Variants in ZNF688 observed in about 807,000 individuals in gnomAD.
The protein encoded by ZNF688 is zinc finger protein 688.
ZNF688 carries 10 observed loss-of-function variants against 13.2 expected under a neutral mutation model. The ratio of observed to expected loss-of-function variants is 0.76; its 90% CI spans 0.47 to 1.28. The LOEUF is 1.28. Among genes scored for constraint, ZNF688 ranks in the 50% most tolerant of loss-of-function variants. ZNF688 has a pLI of 0.00. For missense variants in ZNF688, 381 were observed against 391.4 expected (o/e 0.97, Z 0.22); for synonymous variants, 160 against 159.4 (o/e 1.00, Z -0.03).
rs1160181142 is a variant in ZNF688, at chr16:30,570,631, GAAT to G, written c.311-198_311-196del. ...CCTTGGTTCCTTATGCATCAAATGG[GAAT>G]AATAATGGCTTTTGACTTCACAGCG... On this transcript the variant is annotated intron_variant, in intron 2 of 2. Transcript: ENST00000223459. The G allele has an allele frequency of 1.5e-5, 9 of 616,722 alleles. No individual in the cohort carries two copies. The Admixed American group carries it at 3.1e-4, about 21-fold the overall frequency. The allele number at this position is 616,722 out of a possible 1,614,324, so 38.2% of individuals were successfully genotyped here. A position where few individuals can be genotyped will look rare whatever the true frequency, so the allele number is the denominator to read the frequency against.
the ZNF688 span, chr16:30,578,361 T>G: frequency 6.6e-6 from 1 of 152,222 alleles, no homozygotes; most frequent in Non-Finnish European, 1.5e-5. Flanking sequence ...CAAAATGCTC[T>G]TGCTTTCAAA....
the ZNF688 span, chr16:30,579,219 T>A: frequency 1.1e-3 from 169 of 153,046 alleles, 1 homozygote; most frequent in East Asian, 7.3e-3. Flanking sequence ...GAGGGATGGA[T>A]AGGCAGATTG....
rs771908916 is a variant in ZNF688, at chr16:30,570,337, T to A, written c.410A>T (p.Glu137Val). ...PVKESPEVLV[E>V]RNPDPAISVA... ...GCTAATAGCTGGGTCAGGGTTGCGT[T>A]CCACCAGCACTTCAGGACTCTCCTT... The change falls in exon 3 of 3, where the codon GAA becomes GTA. Residue 137 changes from glutamate to valine, a missense_variant. Glu to Val is a moderately radical substitution (Grantham distance 121, BLOSUM62 -2). Transcript: ENST00000223459. 1 of 1,614,114 alleles carries A rather than the reference T, an allele frequency of 6.2e-7. No homozygotes were observed.
At chr16:30,578,120 C>T in the ZNF688 span, among the ~76,000 whole-genome samples, 22 of 152,276 alleles carry the variant, frequency 1.4e-4, 1 homozygote, top group Admixed American at 8.5e-4. Flanking sequence ...AGACAGATCA[C>T]TTGAGCCCAT....
chr16:30,576,355 G>A (rs1208704059), upstream of ZNF688, among the ~76,000 whole-genome samples: 2 of 152,234 alleles, frequency 1.3e-5, no homozygotes, highest in South Asian at 2.1e-4. Flanking sequence ...GGCACTACAG[G>A]TGCCCGCCAC....
rs749685573 is a variant in ZNF688 at position 30,571,432 on chromosome 16, A to G, written c.196+2T>C. On this transcript the variant is annotated splice_donor_variant, in intron 1 of 2. Transcript: ENST00000223459. LOFTEE classifies it high-confidence loss of function. ...GAGGGGGCTCGGACCCGGGGCTCTC[A>G]CCGAGCGCGCCCAGGTGGCCGTAGG... The G allele has an allele frequency of 1.9e-6, 3 of 1,564,638 alleles. No homozygotes were observed. The Admixed American group carries it at 5.7e-5, about 30-fold the overall frequency.
the ZNF688 span, among the ~76,000 whole-genome samples, chr16:30,577,752 G>A: frequency 1.3e-5 from 2 of 150,712 alleles, no homozygotes; most frequent in African/African-American, 4.9e-5. Context: ...GTACAATCTC[G>A]GCTCACTGCA....
intron 2 of ZNF688, chr16:30,570,677 T>C (rs943976165): frequency 4.3e-6 from 2 of 464,614 alleles, no homozygotes; most frequent in African/African-American, 2.0e-5. Flanking sequence ...TTTAGCTGAG[T>C]AGATGCATGT....
At chr16:30,575,873 C>CT (rs1180504739), upstream of ZNF688, among the ~76,000 whole-genome samples, 31 of 151,428 alleles carry the variant, frequency 2.0e-4, no homozygotes, top group Non-Finnish European at 8.8e-5. Context: ...TCAGGCTGAT[C>CT]TTGAACTCCC....
In ZNF688 at chr16:30,570,173, AGCGGC is replaced by A; in HGVS notation, c.569_573del (p.Arg190LeufsTer67). ...CTGACCAGCAGTGAGGGGTAGGTGA[AGCGGC>A]GGCCGCAGTCCGTGCACACGTGGCG... On this transcript the variant is annotated frameshift_variant, in exon 3 of 3. Coordinates refer to ENST00000223459, the MANE Select transcript of ZNF688 (RefSeq NM_145271.4). LOFTEE classifies it high-confidence loss of function. 1 of 1,610,458 alleles carries A rather than the reference AGCGGC, an allele frequency of 6.2e-7. No individual in the cohort carries two copies. The highest frequency in any genetic ancestry group is 8.5e-7 in the Non-Finnish European group (1 of 1,178,320).
At chr16:30,570,491 G>C (rs1183915998) in intron 2 of ZNF688, 55 bp from the exon 3 acceptor site, 7 of 1,552,114 alleles carry the variant, frequency 4.5e-6, no homozygotes, top group Non-Finnish European at 6.1e-6. Context: ...GACTGTCTCA[G>C]GTTATAGAAT....
chr16:30,571,799 T>C, upstream of ZNF688: 1 of 1,319,184 alleles, frequency 7.6e-7, no homozygotes, highest in East Asian at 3.1e-5. Flanking sequence ...GATTCGAGGA[T>C]TCTGATAGGG....
At chr16:30,572,243 T>G, upstream of ZNF688, 1 of 1,585,660 alleles carries the variant, frequency 6.3e-7, no homozygotes, top group Non-Finnish European at 8.6e-7. Context: ...AAGCCTCTGT[T>G]GACAGACTGG....
upstream of ZNF688, among the ~76,000 whole-genome samples, chr16:30,574,660 GTCAGGATATTTAAGGTATCAA>G (rs2051730705): frequency 6.6e-6 from 1 of 152,040 alleles, no homozygotes. Flanking sequence ...CAATAATCAA[GTCAGGATATTTAAGGTATCAA>G]TCACTTTGAG....
At chr16:30,576,648 G>C (rs549168891), upstream of ZNF688, among the ~76,000 whole-genome samples, 1 of 152,254 alleles carries the variant, frequency 6.6e-6, no homozygotes, top group Non-Finnish European at 1.5e-5. Context: ...CCACCAGGCC[G>C]GCTTCATTGT....
chr16:30,571,995 C>T (rs370251004), upstream of ZNF688: 4 of 1,381,772 alleles, frequency 2.9e-6, no homozygotes, highest in Middle Eastern at 2.4e-4. Flanking sequence ...CTGGCCTCAT[C>T]GTCCCACTTG....
upstream of ZNF688, among the ~76,000 whole-genome samples, chr16:30,574,343 C>T (rs1032145262): frequency 6.6e-6 from 1 of 151,552 alleles, no homozygotes; most frequent in Admixed American, 6.6e-5. Context: ...GTCAGGAGTT[C>T]GAGACCAGCC....
rs2051645026 is a variant in ZNF688, at chr16:30,570,016, C to T, written c.731G>A (p.Arg244Lys). ...RSCSGGRRGR[R>K]PGIRAVPRAP... is the part of the protein sequence containing the mutation. ...CCGAGGCACAGCCCGGATCCCAGGC[C>T]TCCGGCCCCGCCGCCCCCCGGAGCA... is the stretch of plus-strand genomic sequence containing the variant. Residue 244 changes from arginine (R) to lysine (K), a missense_variant, in exon 3 of 3, where the codon AGG becomes AAG. Physicochemically the swap from Arg to Lys is conservative, Grantham distance 26. Transcript: ENST00000223459. The T allele has an allele frequency of 6.2e-7, 1 of 1,611,026 alleles. No homozygotes were observed. The highest frequency in any genetic ancestry group is 8.5e-7 in the Non-Finnish European group (1 of 1,179,374).
chr16:30,572,407 A>G, upstream of ZNF688: 2 of 1,047,684 alleles, frequency 1.9e-6, no homozygotes, highest in Non-Finnish European at 2.5e-6. Context: ...CCGCGGTAGA[A>G]GCAGGTGCGT....
Sources: allele counts gnomAD v4.1 joint callset (sites outside exome capture counted in the v4.1 genomes callset), GRCh38; gene constraint gnomAD v4.1.1; transcripts MANE v1.5; gene names NCBI Gene and HGNC (gene_info 2026-07-23, HGNC 2026-07-21).